The following BCL11A variants were observed in gnomAD, a reference collection of about 807,000 sequenced individuals.
The protein encoded by BCL11A is B cell CLL/lymphoma 11A.
In BCL11A, 2 loss-of-function variants were observed where a neutral mutation model predicts 55.9. The ratio of observed to expected loss-of-function variants is 0.04; its 90% CI spans 0.01 to 0.11. The LOEUF (loss-of-function observed/expected upper bound fraction) is 0.11, where lower values mean the gene tolerates loss of function less well. BCL11A is among the 10% of genes least tolerant of loss of function. The pLI is 1.00. For missense variants in BCL11A, 817 were observed against 1,137.1 expected (o/e 0.72, Z 4.05); for synonymous variants, 465 against 473.4 (o/e 0.98, Z 0.23).
intron 2 of BCL11A, among the ~76,000 whole-genome samples, chr2:60,509,105 T>G (rs1679826947): frequency 6.6e-6 from 1 of 152,200 alleles, no homozygotes; most frequent in Admixed American, 6.5e-5. Flanking sequence ...AATCACAGGC[T>G]TCTGGTCTAA....
At position 60,525,914 on chromosome 2, in the gene BCL11A, T is replaced by G. The variant is rs954004588; in HGVS notation, c.385+20057A>C. The G allele has an allele frequency of 1.2e-4, 19 of 152,236 alleles. 1 individual carries two copies. Among genetic ancestry groups the G allele is most frequent in the African/African-American group, 4.3e-4 (18 of 41,452 alleles). 9.4% of individuals were successfully genotyped at this position (152,236 alleles called of 1,614,324 possible). A position where few individuals can be genotyped will look rare whatever the true frequency, so the allele number is the denominator to read the frequency against. ...GTCTACTTGGAAGGCCTTTACTAAT[T>G]TTTATGTTATCTTCTTCCTTCATTC... On this transcript the variant is annotated intron_variant, in intron 2 of 3. Transcript: ENST00000642384.
chr2:60,546,412 G>C lies in BCL11A; in HGVS notation c.56-112C>G, dbSNP rs1032324624. ...ACCACATCATGTAAAGTGTTTCTAG[G>C]CTTCTCTATATAATACCCAGAAAAT... is the stretch of plus-strand genomic sequence containing the variant. On this transcript the variant is annotated intron_variant, in intron 1 of 3. Coordinates refer to ENST00000642384, the MANE Select transcript of BCL11A (RefSeq NM_022893.4). The surrounding 1 kb of genome is among the most constrained non-coding windows in gnomAD (Gnocchi z 4.1). 1.5e-5 allele frequency: 14 copies of C among 908,268 alleles called. No individual in the cohort carries two copies. The highest frequency in any genetic ancestry group is 2.2e-5 in the Non-Finnish European group (13 of 599,966). 56.3% of individuals were successfully genotyped at this position (908,268 alleles called of 1,614,324 possible).
Position 60,458,820 on chromosome 2 carries a change from T to A in BCL11A, c.*1584A>T, listed in dbSNP as rs1340688130. The A allele has an allele frequency of 2.4e-5, 25 of 1,030,590 alleles. No homozygotes were observed. The highest frequency in any genetic ancestry group is 2.8e-5 in the Non-Finnish European group (24 of 856,318). 63.8% of individuals were successfully genotyped at this position (1,030,590 alleles called of 1,614,324 possible). On this transcript the variant is annotated 3_prime_UTR_variant, in exon 4 of 4. Coordinates refer to ENST00000642384, the MANE Select transcript of BCL11A (RefSeq NM_022893.4). ...TATCACAGGCAGAGTCAAGTGCTAT[T>A]TGAACACCAACTGGGGCAGATGCTA...
intron 2 of BCL11A, among the ~76,000 whole-genome samples, chr2:60,469,468 T>C (rs1033076868): frequency 6.6e-6 from 1 of 152,210 alleles, no homozygotes; most frequent in African/African-American, 2.4e-5. Flanking sequence ...CTTACACAGA[T>C]GTGGCTTCTC....
At position 60,468,772 on chromosome 2, in the gene BCL11A, G is replaced by C; in HGVS notation, c.447C>G (p.Pro149=). The C allele has an allele frequency of 6.2e-7, 1 of 1,610,642 alleles. No individual in the cohort carries two copies. The highest frequency in any genetic ancestry group is 8.5e-7 in the Non-Finnish European group (1 of 1,179,106). The change falls in exon 3 of 4, where the codon CCC becomes CCG. Residue 149 remains proline, a synonymous_variant. Coordinates refer to ENST00000642384, the MANE Select transcript of BCL11A (RefSeq NM_022893.4). ...SPRSAHGALI[P]TPGMSAEYAP... ...CATATTCTGCACTCATCCCAGGCGT[G>C]GGGATTAGAGCTCCATGTGCAGAAC...
In BCL11A at chr2:60,490,166, G is replaced by C. The variant is rs767399290; in HGVS notation, c.386-21333C>G. Among the ~76,000 whole-genome samples the C allele has an allele frequency of 3.0e-4, 45 of 152,122 alleles. 1 individual carries two copies. Among genetic ancestry groups the C allele is most frequent in the African/African-American group, 9.9e-4 (41 of 41,408 alleles). On this transcript the variant is annotated intron_variant, in intron 2 of 3. Transcript: ENST00000642384. ...TTCTGCTAGTGAAAGGAAACCCTACGGTCAACCAACTCCATCCTCTAGAAC... is the reference window on the plus strand; with the variant it reads ...TTCTGCTAGTGAAAGGAAACCCTACCGTCAACCAACTCCATCCTCTAGAAC...
chr2:60,507,769 G>C (rs577776505), intron 2 of BCL11A, among the ~76,000 whole-genome samples: 1 of 152,190 alleles, frequency 6.6e-6, no homozygotes, highest in South Asian at 2.1e-4. Context: ...GGGGTGGGGG[G>C]CGACGGGTGC....
At chr2:60,501,237 C>T (rs1182719453) in intron 2 of BCL11A, among the ~76,000 whole-genome samples, 1 of 152,160 alleles carries the variant, frequency 6.6e-6, no homozygotes, top group Non-Finnish European at 1.5e-5. Context: ...TCATTTGGTC[C>T]AAACCTGTAG....
chr2:60,483,515 A>T (rs1015593976), intron 2 of BCL11A, among the ~76,000 whole-genome samples: 7 of 152,198 alleles, frequency 4.6e-5, no homozygotes, highest in Non-Finnish European at 7.4e-5. Context: ...CAGAACCCAA[A>T]TCAACTGCTG....
chr2:60,474,228 A>G (rs1412518358), intron 2 of BCL11A, among the ~76,000 whole-genome samples: 5 of 152,216 alleles, frequency 3.3e-5, no homozygotes, highest in Non-Finnish European at 7.3e-5. Flanking sequence ...TTTATCTATA[A>G]AAATGCCAGC....
chr2:60,482,231 C>T (rs752871164), intron 2 of BCL11A, among the ~76,000 whole-genome samples: 4 of 151,552 alleles, frequency 2.6e-5, no homozygotes, highest in Non-Finnish European at 4.4e-5. Context: ...TTCTCTTCCT[C>T]CATTAAAAAA....
intron 2 of BCL11A, among the ~76,000 whole-genome samples, chr2:60,492,253 G>C (rs2104320763): frequency 6.6e-6 from 1 of 152,278 alleles, no homozygotes; most frequent in East Asian, 1.9e-4. Flanking sequence ...TGTCGTCCCA[G>C]CTACTCAGGA....
At chr2:60,507,055 A>G (rs932333847) in intron 2 of BCL11A, among the ~76,000 whole-genome samples, 7 of 152,072 alleles carry the variant, frequency 4.6e-5, no homozygotes, top group East Asian at 3.9e-4. Flanking sequence ...TATGTACTCA[A>G]TTATGAACTA....
intron 2 of BCL11A, among the ~76,000 whole-genome samples, chr2:60,478,852 T>C (rs1219653127): frequency 6.6e-6 from 1 of 152,222 alleles, no homozygotes; most frequent in African/African-American, 2.4e-5. Context: ...TTCTCTGCAG[T>C]GCCTCAGCAC....
intron 2 of BCL11A, chr2:60,538,328 G>A (rs905202715): frequency 3.9e-5 from 6 of 152,232 alleles, no homozygotes; most frequent in African/African-American, 1.4e-4. Flanking sequence ...TTGCCTTAGA[G>A]GAGCAACCTG....
chr2:60,532,665 A>G (rs553183395), intron 2 of BCL11A, among the ~76,000 whole-genome samples: 1 of 152,322 alleles, frequency 6.6e-6, no homozygotes. Flanking sequence ...TTATGACTTT[A>G]CTTGAAAAAC....
intron 1 of BCL11A, among the ~76,000 whole-genome samples, chr2:60,552,615 C>T (rs1446420769): frequency 5.3e-5 from 8 of 152,216 alleles, no homozygotes; most frequent in Admixed American, 5.2e-4. Flanking sequence ...GCGCCGGGGG[C>T]CCCTTTCCAC....
At chr2:60,537,605 A>G (rs1245293887) in intron 2 of BCL11A, 1 of 152,264 alleles carries the variant, frequency 6.6e-6, no homozygotes, top group Non-Finnish European at 1.5e-5. Flanking sequence ...CTTGGCACAT[A>G]GTGCTTTGTG....
At chr2:60,469,840 T>C (rs1677101825) in intron 2 of BCL11A, among the ~76,000 whole-genome samples, 1 of 152,160 alleles carries the variant, frequency 6.6e-6, no homozygotes, top group South Asian at 2.1e-4. Context: ...GGAGGATAGA[T>C]GGTGCAGGAG....
Sources: allele counts gnomAD v4.1 joint callset (sites outside exome capture counted in the v4.1 genomes callset), GRCh38; gene constraint gnomAD v4.1.1; non-coding constraint Gnocchi (gnomAD v3.1); transcripts MANE v1.5; gene names NCBI Gene and HGNC (gene_info 2026-07-23, HGNC 2026-07-21).